The following EXOC6B variants were observed in gnomAD, a reference collection of about 807,000 sequenced individuals.
EXOC6B encodes exocyst complex component 6B, also known as SEC15 homolog B.
Under a neutral mutation model 113.5 loss-of-function variants are expected in EXOC6B, and 54 were observed. The observed-to-expected ratio is 0.48, with a 90% CI of 0.38 to 0.60. EXOC6B has a LOEUF of 0.60. Among genes scored for constraint, EXOC6B ranks in the 20% least tolerant of loss-of-function variants. The pLI is 0.00. For synonymous variants in EXOC6B, 357 were observed against 339.0 expected (o/e 1.05, Z -0.58); for missense variants, 797 against 977.5 (o/e 0.82, Z 2.46).
At chr2:72,797,112 T>A (rs1685007536) in intron 1 of EXOC6B, among the ~76,000 whole-genome samples, 1 of 152,210 alleles carries the variant, frequency 6.6e-6, no homozygotes, top group Non-Finnish European at 1.5e-5. Context: ...ATGAGCATCA[T>A]CATGCTCCTA....
intron 8 of EXOC6B, among the ~76,000 whole-genome samples, chr2:72,535,814 G>A (rs1238603133): frequency 1.3e-5 from 2 of 150,900 alleles, no homozygotes; most frequent in East Asian, 1.9e-4. Flanking sequence ...AAGTTGTGGT[G>A]AGCCAAGATT....
At chr2:72,636,439 GGAAGAAGGAA>G (rs1672838508) in intron 6 of EXOC6B, among the ~76,000 whole-genome samples, 1 of 149,876 alleles carries the variant, frequency 6.7e-6, no homozygotes, top group South Asian at 2.1e-4. Flanking sequence ...GGAGGGAGGA[GGAAGAAGGAA>G]GAAGAAGGAG....
chr2:72,655,404 G>A (rs1011592604), intron 6 of EXOC6B, among the ~76,000 whole-genome samples: 8 of 151,618 alleles, frequency 5.3e-5, no homozygotes, highest in Non-Finnish European at 8.8e-5. Flanking sequence ...TACCATAAAT[G>A]CAAGAAGACA....
chr2:72,662,256 A>G (rs1675073979), intron 6 of EXOC6B, among the ~76,000 whole-genome samples: 1 of 152,206 alleles, frequency 6.6e-6, no homozygotes, highest in Non-Finnish European at 1.5e-5. Context: ...GAAAATCTTC[A>G]TGTCCTAGCA....
At chr2:72,381,974 T>C (rs76565009) in intron 18 of EXOC6B, among the ~76,000 whole-genome samples, 32 of 152,294 alleles carry the variant, frequency 2.1e-4, no homozygotes, top group African/African-American at 7.7e-4. Context: ...TATTTCAGTA[T>C]ACAGACTATA....
intron 20 of EXOC6B, among the ~76,000 whole-genome samples, chr2:72,210,612 GT>G (rs1680129481): frequency 6.6e-6 from 1 of 152,198 alleles, no homozygotes; most frequent in African/African-American, 2.4e-5. Flanking sequence ...GGGCCCCTGA[GT>G]CATTACAATC....
chr2:72,804,072 T>C (rs866937426), intron 1 of EXOC6B, among the ~76,000 whole-genome samples: 29 of 152,180 alleles, frequency 1.9e-4, no homozygotes, highest in Admixed American at 5.9e-4. Context: ...TTATTAGTGA[T>C]AAAGCAACAC....
intron 17 of EXOC6B, among the ~76,000 whole-genome samples, chr2:72,474,700 T>A (rs1698628335): frequency 6.6e-6 from 1 of 152,168 alleles, no homozygotes; most frequent in African/African-American, 2.4e-5. Context: ...AGAATTCTCA[T>A]GTTTCTCACT....
At chr2:72,378,974 A>T (rs1691519355) in intron 19 of EXOC6B, among the ~76,000 whole-genome samples, 1 of 152,154 alleles carries the variant, frequency 6.6e-6, no homozygotes. Context: ...GCTGGAAGTG[A>T]TCATATGGCA....
chr2:72,505,267 A>G (rs901886786), intron 11 of EXOC6B, among the ~76,000 whole-genome samples: 2 of 152,110 alleles, frequency 1.3e-5, no homozygotes, highest in African/African-American at 4.8e-5. Flanking sequence ...TCTTTGGTGT[A>G]TATTTTCCTC....
chr2:72,756,424 A>C (rs1191935197), intron 1 of EXOC6B, among the ~76,000 whole-genome samples: 2 of 152,208 alleles, frequency 1.3e-5, no homozygotes, highest in African/African-American at 4.8e-5. Context: ...TATATTTCTG[A>C]GTTTGGAGTG....
At chr2:72,617,162 C>T (rs912021179) in intron 6 of EXOC6B, among the ~76,000 whole-genome samples, 15 of 152,332 alleles carry the variant, frequency 9.8e-5, no homozygotes, top group Non-Finnish European at 1.5e-4. Flanking sequence ...TGGGCTCCCA[C>T]GGCCTTGGGC....
intron 20 of EXOC6B, among the ~76,000 whole-genome samples, chr2:72,213,414 C>A (rs902899085): frequency 6.6e-6 from 1 of 152,154 alleles, no homozygotes; most frequent in Non-Finnish European, 1.5e-5. Context: ...AATATTCCTC[C>A]TAGAGAAATT....
rs1011627710 is a variant in EXOC6B, at chr2:72,178,754, T to C, written c.*581A>G. 6 of 152,262 alleles carry C rather than the reference T, an allele frequency of 3.9e-5. No homozygotes were observed. The highest frequency in any genetic ancestry group is 1.4e-4 in the African/African-American group (6 of 41,442). The allele number at this position is 152,262 out of a possible 1,614,324, so 9.4% of individuals were successfully genotyped here. A position where few individuals can be genotyped will look rare whatever the true frequency, so the allele number is the denominator to read the frequency against. On this transcript the variant is annotated 3_prime_UTR_variant, in exon 22 of 22. Transcript: ENST00000272427. ...TAAAGAAACCGCCATTCTTGGGGGA[T>C]TGGAATGAAGCTGTCATCTTGCCAT...
intron 11 of EXOC6B, among the ~76,000 whole-genome samples, chr2:72,508,052 TG>T (rs1253018676): frequency 3.4e-5 from 5 of 147,354 alleles, no homozygotes; most frequent in African/African-American, 5.0e-5. Context: ...TTCAGTGAAA[TG>T]GATAGATATA....
chr2:72,808,159 CA>C (rs1559019211), intron 1 of EXOC6B, among the ~76,000 whole-genome samples: 1 of 151,652 alleles, frequency 6.6e-6, no homozygotes, highest in African/African-American at 2.4e-5. Flanking sequence ...CCTGGAACAT[CA>C]AAAAGGAAAA....
chr2:72,263,645 C>T (rs1683871135), intron 20 of EXOC6B, among the ~76,000 whole-genome samples: 1 of 152,124 alleles, frequency 6.6e-6, no homozygotes, highest in South Asian at 2.1e-4. Flanking sequence ...TTGAATAAAG[C>T]AATTCTATAA....
intron 6 of EXOC6B, among the ~76,000 whole-genome samples, chr2:72,658,701 C>T (rs971137605): frequency 4.0e-4 from 61 of 152,124 alleles, no homozygotes; most frequent in African/African-American, 1.4e-3. Context: ...AGCGTATATA[C>T]TTCTATTGAG....
intron 8 of EXOC6B, among the ~76,000 whole-genome samples, chr2:72,543,045 A>G (rs1702696305): frequency 6.6e-6 from 1 of 152,216 alleles, no homozygotes; most frequent in African/African-American, 2.4e-5. Context: ...ATTATTTGGA[A>G]GAGTCACCAA....
Sources: gnomAD v4.1 joint callset for allele counts (sites outside exome capture counted in the v4.1 genomes callset) on GRCh38, gnomAD v4.1.1 for gene constraint, MANE v1.5 for transcripts, NCBI Gene and HGNC (gene_info 2026-07-23, HGNC 2026-07-21) for gene names.